THRAP3: variants seen among roughly 807,000 people sequenced by gnomAD.
The protein encoded by THRAP3 is thyroid hormone receptor associated protein 3.
In THRAP3, 16 loss-of-function variants were observed where a neutral mutation model predicts 101.0. The ratio of observed to expected loss-of-function variants is 0.16; its 90% CI spans 0.11 to 0.24. THRAP3 has a LOEUF of 0.24. THRAP3 is among the 10% of genes least tolerant of loss of function. THRAP3 has a pLI of 1.00. For synonymous variants in THRAP3, 407 were observed against 422.6 expected (o/e 0.96, Z 0.45); for missense variants, 989 against 1,202.7 (o/e 0.82, Z 2.63).
At chr1:36,276,078 A>T (rs1345156705) in intron 2 of THRAP3, among the ~76,000 whole-genome samples, 2 of 152,104 alleles carry the variant, frequency 1.3e-5, no homozygotes, top group East Asian at 3.8e-4. Flanking sequence ...AATGGATCAT[A>T]GACCTACATA....
chr1:36,286,490 G>C lies in THRAP3; in HGVS notation c.260G>C (p.Arg87Pro). The change falls in exon 4 of 12, where the codon CGT becomes CCT. Residue 87 changes from arginine (R) to proline (P), a missense_variant. Coordinates refer to ENST00000354618, the MANE Select transcript of THRAP3 (RefSeq NM_005119.4). This position sits in a 1 kb window ranked among gnomAD's most constrained non-coding sequence, Gnocchi z 5.5. ...NRGYRRPYYF[R>P]GRNRGFYPWG... Reference sequence around the variant, plus strand: ...GGCTATAGAAGGCCCTATTATTTCCGTGGGCGTAACAGAGGCTTTTATCCA... The same window carrying C: ...GGCTATAGAAGGCCCTATTATTTCCCTGGGCGTAACAGAGGCTTTTATCCA... The C allele has an allele frequency of 6.2e-7, 1 of 1,614,110 alleles. No homozygotes were observed. The highest frequency in any genetic ancestry group is 1.3e-5 in the African/African-American group (1 of 75,004).
At chr1:36,213,681 A>G in the THRAP3 span, among the ~76,000 whole-genome samples, 1 of 151,680 alleles carries the variant, frequency 6.6e-6, no homozygotes, top group East Asian at 1.9e-4. Flanking sequence ...CCCCGTCTCT[A>G]CTAAAAATAC....
At position 36,271,386 on chromosome 1, in the gene THRAP3, G is replaced by A. The variant is rs190670023; in HGVS notation, c.-31-11147G>A. ...CAACCTCCGCCTCCCGGGTTCAAGC[G>A]ATTCTCCCGCCTCAGCTTCCTGAGT... On this transcript the variant is annotated intron_variant, in intron 2 of 11. Coordinates refer to ENST00000354618, the MANE Select transcript of THRAP3 (RefSeq NM_005119.4). 5.9e-5 allele frequency among the ~76,000 whole-genome samples: 9 copies of A among 151,712 alleles called. No homozygotes were observed. The East Asian group carries it at 1.4e-3, about 23-fold the overall frequency.
chr1:36,258,283 G>GA (rs1186721387), intron 1 of THRAP3, among the ~76,000 whole-genome samples: 1 of 152,252 alleles, frequency 6.6e-6, no homozygotes, highest in Non-Finnish European at 1.5e-5. Context: ...ATCAGGGGAA[G>GA]AAGTTTTGGC....
the THRAP3 span, among the ~76,000 whole-genome samples, chr1:36,213,955 GAAAGAAGGAAAGA>G: frequency 3.4e-4 from 40 of 116,266 alleles, no homozygotes; most frequent in African/African-American, 6.6e-4. Flanking sequence ...AAGAAAGAAA[GAAAGAAGGAAAGA>G]GAAAGAAAGA....
intron 1 of THRAP3, 135 bp downstream of exon 1, chr1:36,224,640 C>T (rs1391477716): frequency 2.0e-5 from 3 of 152,654 alleles, no homozygotes; most frequent in Non-Finnish European, 2.9e-5. Flanking sequence ...CAGCTTACAC[C>T]CTGGCCTCTT....
At chr1:36,240,982 G>A (rs1443687476) in intron 1 of THRAP3, among the ~76,000 whole-genome samples, 2 of 152,024 alleles carry the variant, frequency 1.3e-5, no homozygotes, top group African/African-American at 2.4e-5. Flanking sequence ...TGAGGTGGGC[G>A]GATCACGAGG....
At chr1:36,213,174 G>T in the THRAP3 span, among the ~76,000 whole-genome samples, 5 of 152,276 alleles carry the variant, frequency 3.3e-5, no homozygotes, top group African/African-American at 1.2e-4. Context: ...ACCATGCAGG[G>T]CCTTGTAGAT....
At chr1:36,299,778 G>A (rs989700867) in intron 9 of THRAP3, among the ~76,000 whole-genome samples, 2 of 152,124 alleles carry the variant, frequency 1.3e-5, no homozygotes, top group African/African-American at 4.8e-5. Context: ...CAAAGTGCTG[G>A]GATTACAGGA....
At chr1:36,229,657 G>A (rs1470066816) in intron 1 of THRAP3, among the ~76,000 whole-genome samples, 1 of 126,316 alleles carries the variant, frequency 7.9e-6, no homozygotes, top group East Asian at 2.0e-4. Flanking sequence ...TTGTTCGTTT[G>A]TTTGTTTGTT....
Position 36,241,414 on chromosome 1 carries a change from T to C in THRAP3, c.-135+16909T>C, listed in dbSNP as rs200096108. On this transcript the variant is annotated intron_variant, in intron 1 of 11. Transcript: ENST00000354618. ...ATATATATATATATATATATATATA[T>C]ATATATATATATATACACATATATA... is the stretch of plus-strand genomic sequence containing the variant. Among the ~76,000 whole-genome samples, 8 of 52,266 alleles carry C rather than the reference T, an allele frequency of 1.5e-4. No individual in the cohort carries two copies. The East Asian group carries it at 2.3e-3, about 15-fold the overall frequency. 34.3% of individuals were successfully genotyped at this position (52,266 alleles called of 152,430 possible).
intron 1 of THRAP3, among the ~76,000 whole-genome samples, chr1:36,251,645 G>A (rs1415339501): frequency 1.3e-5 from 2 of 152,208 alleles, no homozygotes; most frequent in East Asian, 3.8e-4. Flanking sequence ...ATTCGCATGA[G>A]AATGTAATTG....
Position 36,287,124 on chromosome 1 carries a change from C to A in THRAP3, c.894C>A (p.His298Gln), listed in dbSNP as rs1645806854. ...PSGAGYQSGT[H>Q]QGQFDHGSGS... ...GTGCCGGGTATCAGTCTGGGACACA[C>A]CAAGGTCAGTTCGACCATGGTTCTG... is the stretch of plus-strand genomic sequence containing the variant. The change falls in exon 4 of 12, where the codon CAC (histidine) becomes CAA (glutamine). Residue 298 changes from histidine to glutamine, a missense_variant. Coordinates refer to ENST00000354618, the MANE Select transcript of THRAP3 (RefSeq NM_005119.4). The A allele has an allele frequency of 6.2e-7, 1 of 1,614,046 alleles. No homozygotes were observed. Among genetic ancestry groups the A allele is most frequent in the Non-Finnish European group, 8.5e-7 (1 of 1,180,048 alleles).
chr1:36,242,507 C>T (rs1049110951), intron 1 of THRAP3, among the ~76,000 whole-genome samples: 1 of 142,546 alleles, frequency 7.0e-6, no homozygotes, highest in African/African-American at 2.6e-5. Context: ...GGCTGGAGTG[C>T]AGAGACGCGA....
At chr1:36,274,723 C>A (rs539382771) in intron 2 of THRAP3, among the ~76,000 whole-genome samples, 58 of 149,944 alleles carry the variant, frequency 3.9e-4, no homozygotes, top group Non-Finnish European at 1.2e-4. Flanking sequence ...ACCTCTACCT[C>A]CCGGGTTCAA....
At position 36,296,486 on chromosome 1, in the gene THRAP3, T is replaced by C. The variant is rs143003525; in HGVS notation, c.2116-97T>C. ...GCCTCACATTTCCCAGTGCTTCCTC[T>C]GCACCCCTCCATTGGAGTAAAAACC... On this transcript the variant is annotated intron_variant, in intron 8 of 11. Transcript: ENST00000354618. 1.6e-5 allele frequency: 15 copies of C among 967,306 alleles called. No homozygotes were observed. In the African/African-American group the frequency reaches 2.5e-4, roughly 16 times the overall value. 59.9% of individuals were successfully genotyped at this position (967,306 alleles called of 1,614,324 possible). A position where few individuals can be genotyped will look rare whatever the true frequency, so the allele number is the denominator to read the frequency against.
Position 36,267,784 on chromosome 1 carries a change from C to T in THRAP3, c.-32+8300C>T, listed in dbSNP as rs1314487793. The stretch of plus-strand genomic sequence containing the variant: ...ATTCCCCGCACCCACTCACAGAATA[C>T]GGGGCATCCGGGGGCTTTCGGAGAC... On this transcript the variant is annotated intron_variant, in intron 2 of 11. Coordinates refer to ENST00000354618, the MANE Select transcript of THRAP3 (RefSeq NM_005119.4). 4.1e-5 allele frequency among the ~76,000 whole-genome samples: 2 copies of T among 48,316 alleles called. 1 individual carries two copies. Among genetic ancestry groups the T allele is most frequent in the Non-Finnish European group, 1.3e-4 (2 of 15,020 alleles). 31.7% of individuals were successfully genotyped at this position (48,316 alleles called of 152,430 possible).
chr1:36,293,992 T>G, intron 8 of THRAP3, 57 bp downstream of exon 8: 1 of 1,584,532 alleles, frequency 6.3e-7, no homozygotes, highest in Non-Finnish European at 8.6e-7. Flanking sequence ...GGCATGAACT[T>G]GACAGAAATG....
chr1:36,286,889 C>G lies in THRAP3; in HGVS notation c.659C>G (p.Ser220Trp), dbSNP rs756911545. The G allele has an allele frequency of 1.9e-6, 3 of 1,614,010 alleles. No individual in the cohort carries two copies. Among genetic ancestry groups the G allele is most frequent in the African/African-American group, 1.3e-5 (1 of 75,046 alleles). The stretch of plus-strand genomic sequence containing the variant: ...CAAGATACAAAAGCATCTGAGAGCT[C>G]GAAGCCATGGCCAGATGCCACCTAC... ...TSQDTKASES[S>W]KPWPDATYGT... is the part of the protein sequence containing the mutation. The change falls in exon 4 of 12, where the codon TCG becomes TGG. Residue 220 changes from serine (S) to tryptophan (W), a missense_variant. Ser to Trp is a radical substitution (Grantham distance 177). Transcript: ENST00000354618. The surrounding 1 kb of genome is among the most constrained non-coding windows in gnomAD (Gnocchi z 5.5).
Sources: allele counts gnomAD v4.1 joint callset (sites outside exome capture counted in the v4.1 genomes callset), GRCh38; gene constraint gnomAD v4.1.1; non-coding constraint Gnocchi (gnomAD v3.1); transcripts MANE v1.5; gene names NCBI Gene and HGNC (gene_info 2026-07-23, HGNC 2026-07-21).